Variants in FRMD4A observed in about 807,000 individuals in gnomAD.
FRMD4A encodes FERM domain-containing protein 4A.
A neutral mutation model predicts 129.1 loss-of-function variants in FRMD4A; 29 were observed. The ratio of observed to expected loss-of-function variants is 0.22; its 90% confidence interval spans 0.17 to 0.31. The LOEUF is 0.31. Ranked by LOEUF, FRMD4A falls within the 10% of genes least tolerant of loss-of-function variation. The probability of loss-of-function intolerance (pLI) is 1.00; values close to 1 mark genes in which losing one functional copy is unlikely to be tolerated. For synonymous variants in FRMD4A, 634 were observed against 571.6 expected (o/e 1.11, Z -1.56); for missense variants, 1,272 against 1,375.8 (o/e 0.92, Z 1.19).
At chr10:14,191,805 T>TTTCTC in intron 2 of FRMD4A, among the ~76,000 whole-genome samples, 1 of 140,920 alleles carries the variant, frequency 7.1e-6, no homozygotes, top group East Asian at 2.0e-4. Context: ...TTTTTTTTTT[T>TTTCTC]TCTCTCTCTC....
intron 12 of FRMD4A, among the ~76,000 whole-genome samples, chr10:13,722,175 G>A (rs936459149): frequency 2.0e-5 from 3 of 151,800 alleles, no homozygotes; most frequent in Middle Eastern, 6.8e-3. Flanking sequence ...TGTTGGAAAA[G>A]CTAGAGAGAA....
intron 12 of FRMD4A, among the ~76,000 whole-genome samples, chr10:13,724,389 A>G (rs1487175910): frequency 4.7e-5 from 7 of 149,524 alleles, no homozygotes; most frequent in Non-Finnish European, 7.4e-5. Flanking sequence ...CTCTGTCTCA[A>G]AAAAAAAAAG....
chr10:13,888,034 G>A (rs939358218), intron 2 of FRMD4A, among the ~76,000 whole-genome samples: 4 of 152,186 alleles, frequency 2.6e-5, no homozygotes, highest in Non-Finnish European at 2.9e-5. Flanking sequence ...CATTGAAACC[G>A]TCTGGCCTTT....
In FRMD4A at chr10:14,039,407, C is replaced by CATCCATCCATCTATCTATCTATCT. The variant is rs1285305420; in HGVS notation, c.46-180496_46-180495insAGATAGATAGATAGATGGATGGAT. ...CCATCCATCCATCCATCCATCCATCCATCTATCTATCTATCTATCTATCTA... is the reference window on the plus strand; with the variant it reads ...CCATCCATCCATCCATCCATCCATCCATCCATCCATCTATCTATCTATCTATCTATCTATCTATCTATCTATCTA... On this transcript the variant is annotated intron_variant, in intron 2 of 24. Transcript: ENST00000357447. Among the ~76,000 whole-genome samples the CATCCATCCATCTATCTATCTATCT allele has an allele frequency of 1.4e-4, 20 of 147,806 alleles. 1 individual carries two copies. Among genetic ancestry groups the CATCCATCCATCTATCTATCTATCT allele is most frequent in the African/African-American group, 4.9e-4 (19 of 38,696 alleles).
chr10:13,724,838 C>T (rs900436450), intron 12 of FRMD4A, among the ~76,000 whole-genome samples: 2 of 152,110 alleles, frequency 1.3e-5, no homozygotes, highest in Admixed American at 6.5e-5. Context: ...AACAGCAGGT[C>T]GAGGAGACCA....
intron 2 of FRMD4A, among the ~76,000 whole-genome samples, chr10:14,123,976 C>A (rs928295045): frequency 2.0e-5 from 3 of 152,124 alleles, no homozygotes; most frequent in African/African-American, 7.2e-5. Flanking sequence ...TATAAGGATG[C>A]AGAGGATTCC....
chr10:13,712,513 CAA>C (rs1203098503), intron 12 of FRMD4A, among the ~76,000 whole-genome samples: 12 of 130,570 alleles, frequency 9.2e-5, no homozygotes, highest in East Asian at 2.2e-4. Context: ...GACTCCATTT[CAA>C]AAAAAAAAAA....
At chr10:13,656,475 T>C (rs1159343694) in intron 22 of FRMD4A, among the ~76,000 whole-genome samples, 161 bp downstream of exon 22, 1 of 152,148 alleles carries the variant, frequency 6.6e-6, no homozygotes, top group African/African-American at 2.4e-5. Context: ...CTGGAAGACC[T>C]CAAGTCTCCC....
chr10:13,658,534 G>T (rs539580287), intron 21 of FRMD4A, among the ~76,000 whole-genome samples: 9 of 152,340 alleles, frequency 5.9e-5, no homozygotes, highest in African/African-American at 1.9e-4. Context: ...TCAGAAGGGG[G>T]ATGAAAGCCC....
intron 2 of FRMD4A, among the ~76,000 whole-genome samples, chr10:14,070,670 A>G (rs1460509608): frequency 6.6e-6 from 1 of 152,112 alleles, no homozygotes; most frequent in Non-Finnish European, 1.5e-5. Context: ...ATTATTTGTT[A>G]TATTATATTC....
intron 2 of FRMD4A, among the ~76,000 whole-genome samples, chr10:13,990,225 A>G (rs2131424104): frequency 6.6e-6 from 1 of 152,330 alleles, no homozygotes; most frequent in Admixed American, 6.5e-5. Context: ...GCACATAGAA[A>G]GAGCTCATTA....
chr10:14,329,028 AT>A (rs1843401443), intron 2 of FRMD4A, among the ~76,000 whole-genome samples: 1 of 152,184 alleles, frequency 6.6e-6, no homozygotes, highest in Admixed American at 6.5e-5. Context: ...GAACCAAGAT[AT>A]CTGTTCCTTT....
rs2092099611 is a variant in FRMD4A at position 13,762,148 on chromosome 10, T to C, written c.441+476A>G. ...GCTCAGTAAATACTTATTGAAGGAA[T>C]AAAGAAATGATATCATTTTAACTCA... On this transcript the variant is annotated intron_variant, in intron 7 of 24. Coordinates refer to ENST00000357447, the MANE Select transcript of FRMD4A (RefSeq NM_018027.5). Among the ~76,000 whole-genome samples, 3 of 152,224 alleles carry C rather than the reference T, an allele frequency of 2.0e-5. 1 individual carries two copies. The South Asian group carries it at 6.2e-4, about 32-fold the overall frequency.
At chr10:13,806,811 C>CT (rs1210239319) in intron 4 of FRMD4A, among the ~76,000 whole-genome samples, 3 of 152,144 alleles carry the variant, frequency 2.0e-5, no homozygotes, top group African/African-American at 4.8e-5. Flanking sequence ...AATATAAATA[C>CT]TTTTTTTATT....
At chr10:13,790,740 G>A (rs1261912185) in intron 5 of FRMD4A, among the ~76,000 whole-genome samples, 1 of 152,050 alleles carries the variant, frequency 6.6e-6, no homozygotes, top group African/African-American at 2.4e-5. Flanking sequence ...CACAGAATGA[G>A]GAACGAGAGG....
Position 14,127,980 on chromosome 10 carries a change from T to TCTCTCTCTCTC in FRMD4A, c.45+202077_45+202078insGAGAGAGAGAG, listed in dbSNP as rs1554766246. ...TTTCTTTCTTTCTTTCTTTCTTTCC[T>TCTCTCTCTCTC]TCTCTCTCTCTCTCTCTCTCTTTCT... is the stretch of plus-strand genomic sequence containing the variant. On this transcript the variant is annotated intron_variant, in intron 2 of 24. Transcript: ENST00000357447. Among the ~76,000 whole-genome samples the TCTCTCTCTCTC allele has an allele frequency of 1.5e-4, 3 of 19,356 alleles. 1 individual carries two copies. Among genetic ancestry groups the TCTCTCTCTCTC allele is most frequent in the Admixed American group, 1.0e-3 (2 of 1,968 alleles). The allele number at this position is 19,356 out of a possible 152,430, so 12.7% of individuals were successfully genotyped here. A position where few individuals can be genotyped will look rare whatever the true frequency, so the allele number is the denominator to read the frequency against.
At chr10:14,086,230 T>C (rs1267596643) in intron 2 of FRMD4A, among the ~76,000 whole-genome samples, 1 of 152,206 alleles carries the variant, frequency 6.6e-6, no homozygotes, top group Non-Finnish European at 1.5e-5. Context: ...AGAAAGCTTA[T>C]TGAGGTTTCT....
chr10:13,811,020 A>AT (rs1437436022), intron 3 of FRMD4A, 112 bp from the exon 4 acceptor site: 4 of 594,256 alleles, frequency 6.7e-6, no homozygotes, highest in Non-Finnish European at 1.2e-5. Context: ...AAGCTCAAGT[A>AT]TTTTGAAGCA....
At chr10:14,006,936 G>T (rs939020776) in intron 2 of FRMD4A, among the ~76,000 whole-genome samples, 2 of 151,886 alleles carry the variant, frequency 1.3e-5, no homozygotes, top group African/African-American at 2.4e-5. Flanking sequence ...AGAAAGCAAC[G>T]TTTTTTTCAT....
Sources: allele counts gnomAD v4.1 joint callset (sites outside exome capture counted in the v4.1 genomes callset), GRCh38; gene constraint gnomAD v4.1.1; transcripts MANE v1.5; gene names NCBI Gene and HGNC (gene_info 2026-07-23, HGNC 2026-07-21).